The following AGO2 variants were observed in gnomAD, a reference collection of about 807,000 sequenced individuals.
AGO2 encodes the protein argonaute RISC catalytic component 2, also known as protein argonaute-2.
In AGO2, 5 loss-of-function variants were observed where a neutral mutation model predicts 102.3. The ratio of observed to expected loss-of-function variants is 0.05; its 90% confidence interval spans 0.03 to 0.10. AGO2 has a LOEUF of 0.10. Ranked by LOEUF, AGO2 falls within the 10% of genes least tolerant of loss-of-function variation. AGO2 has a pLI of 1.00. For missense variants in AGO2, 541 were observed against 1,183.7 expected, an observed-to-expected ratio of 0.46 and a Z score of 7.97; for synonymous variants, 449 against 473.1, an observed-to-expected ratio of 0.95 and a Z score of 0.66.
At chr8:140,590,719 G>C (rs940182387) in intron 1 of AGO2, among the ~76,000 whole-genome samples, 18 of 152,278 alleles carry the variant, frequency 1.2e-4, no homozygotes, top group African/African-American at 4.3e-4. Context: ...AGTGCTCCTC[G>C]GAACCAGGGG....
At chr8:140,594,624 C>CA (rs547509822) in intron 1 of AGO2, among the ~76,000 whole-genome samples, 25 of 148,554 alleles carry the variant, frequency 1.7e-4, no homozygotes, top group Non-Finnish European at 2.1e-4. Context: ...CCCATCTGTA[C>CA]AAAAAAAAAT....
chr8:140,616,005 G>C (rs2074138612), intron 1 of AGO2, among the ~76,000 whole-genome samples: 1 of 152,204 alleles, frequency 6.6e-6, no homozygotes, highest in Non-Finnish European at 1.5e-5. Context: ...TGCGTACCCT[G>C]TCATCAGCGA....
intron 2 of AGO2, among the ~76,000 whole-genome samples, chr8:140,574,905 C>A (rs2132982990): frequency 6.6e-6 from 1 of 152,272 alleles, no homozygotes; most frequent in Admixed American, 6.5e-5. Flanking sequence ...CAAGAACCTG[C>A]CAACTCCTTC....
intron 1 of AGO2, among the ~76,000 whole-genome samples, chr8:140,625,758 C>A (rs1363418663): frequency 6.6e-6 from 1 of 152,192 alleles, no homozygotes; most frequent in East Asian, 1.9e-4. Flanking sequence ...CACAGGGTCA[C>A]CCTCAAATGT....
In AGO2 at chr8:140,596,004, T is replaced by C. The variant is rs542749088; in HGVS notation, c.23-10693A>G. 1.6e-3 allele frequency among the ~76,000 whole-genome samples: 207 copies of C among 132,030 alleles called. 1 individual carries two copies. The highest frequency in any genetic ancestry group is 4.5e-3 in the African/African-American group (160 of 35,170). 86.6% of individuals were successfully genotyped at this position (132,030 alleles called of 152,430 possible). On this transcript the variant is annotated intron_variant, in intron 1 of 18. Transcript: ENST00000220592. ...ATATAATATATATATTATATATATA[T>C]ACACACACACACATACACACATATT... is the stretch of plus-strand genomic sequence containing the variant.
intron 1 of AGO2, among the ~76,000 whole-genome samples, chr8:140,627,561 G>C (rs188263780): frequency 6.6e-6 from 1 of 152,302 alleles, no homozygotes; most frequent in African/African-American, 2.4e-5. Flanking sequence ...TCCCAAGATG[G>C]ATGTCAATTA....
intron 1 of AGO2, among the ~76,000 whole-genome samples, chr8:140,602,728 G>C (rs1489811728): frequency 6.6e-6 from 1 of 152,186 alleles, no homozygotes; most frequent in African/African-American, 2.4e-5. Flanking sequence ...TCTCCAATTT[G>C]TCCAACCAGC....
At chr8:140,600,615 G>A (rs2073919168) in intron 1 of AGO2, among the ~76,000 whole-genome samples, 3 of 152,058 alleles carry the variant, frequency 2.0e-5, no homozygotes, top group African/African-American at 7.3e-5. Flanking sequence ...GGGAGGCAGT[G>A]GTTGCAGTGA....
intron 1 of AGO2, among the ~76,000 whole-genome samples, chr8:140,591,181 C>T (rs888887228): frequency 6.6e-6 from 1 of 152,242 alleles, no homozygotes; most frequent in African/African-American, 2.4e-5. Flanking sequence ...GTTCTGCAGG[C>T]GCGGTTCCTG....
At chr8:140,617,535 A>C (rs1192255541) in intron 1 of AGO2, among the ~76,000 whole-genome samples, 4 of 152,158 alleles carry the variant, frequency 2.6e-5, no homozygotes, top group Non-Finnish European at 5.9e-5. Flanking sequence ...TTACAGACGT[A>C]AGCCACTGCG....
rs1211114067 is a variant in AGO2 at position 140,520,438 on chromosome 8, AAAAAC to A, written c.*11601_*11605del. On this transcript the variant is annotated 3_prime_UTR_variant, in exon 19 of 19. Transcript: ENST00000220592. ...CAAACTACTTCACCTAGTAAGCTGT[AAAAAC>A]AAACTAGAAAGGACCCAGCTAAGCT... 6.6e-6 allele frequency: 1 copy of A among 152,236 alleles called. No individual in the cohort carries two copies. Among genetic ancestry groups the A allele is most frequent in the Non-Finnish European group, 1.5e-5 (1 of 68,048 alleles). The allele number at this position is 152,236 out of a possible 1,614,324, so 9.4% of individuals were successfully genotyped here.
At chr8:140,634,648 A>C (rs1284692759) in intron 1 of AGO2, among the ~76,000 whole-genome samples, 9 of 152,218 alleles carry the variant, frequency 5.9e-5, no homozygotes, top group Non-Finnish European at 1.3e-4. Flanking sequence ...TTTTCCAGAG[A>C]AAGGCCGACT....
chr8:140,541,569 A>T (rs2072799164), intron 14 of AGO2: 1 of 500,042 alleles, frequency 2.0e-6, no homozygotes, highest in South Asian at 3.2e-5. Flanking sequence ...TGAAGTACAA[A>T]AGTTTGCCAA....
intron 1 of AGO2, among the ~76,000 whole-genome samples, chr8:140,630,641 G>C (rs763160100): frequency 7.2e-5 from 11 of 152,222 alleles, no homozygotes; most frequent in Non-Finnish European, 1.3e-4. Context: ...AGAGATATGT[G>C]AAAGAGGGAG....
At chr8:140,596,659 A>G (rs536455310) in intron 1 of AGO2, among the ~76,000 whole-genome samples, 2 of 152,370 alleles carry the variant, frequency 1.3e-5, no homozygotes, top group Admixed American at 6.5e-5. Context: ...AGATGCCCAG[A>G]GAGATTTAAA....
At chr8:140,594,373 C>T in intron 1 of AGO2, among the ~76,000 whole-genome samples, 1 of 152,192 alleles carries the variant, frequency 6.6e-6, no homozygotes, top group East Asian at 1.9e-4. Flanking sequence ...AAAATATCCA[C>T]AGAAATATTT....
At position 140,556,045 on chromosome 8, in the gene AGO2, C is replaced by T. The variant is rs753432005; in HGVS notation, c.1147-27G>A. 11 of 1,613,474 alleles carry T rather than the reference C, an allele frequency of 6.8e-6. 1 individual carries two copies. In the East Asian group the frequency reaches 8.9e-5, roughly 13 times the overall value. On this transcript the variant is annotated intron_variant, in intron 9 of 18. Transcript: ENST00000220592. The stretch of plus-strand genomic sequence containing the variant: ...TGGCAAAGGGAAACAAGAAAACGCA[C>T]GGAGTGGGTGGAGGCCTCCCATCTC...
intron 1 of AGO2, among the ~76,000 whole-genome samples, chr8:140,614,958 C>T (rs1289401061): frequency 1.3e-5 from 2 of 152,236 alleles, no homozygotes; most frequent in East Asian, 3.8e-4. Flanking sequence ...AACATCTTTT[C>T]ATCACATACA....
chr8:140,531,252 G>A lies in AGO2; in HGVS notation c.*792C>T, dbSNP rs889215265. On this transcript the variant is annotated 3_prime_UTR_variant, in exon 19 of 19. Coordinates refer to ENST00000220592, the MANE Select transcript of AGO2 (RefSeq NM_012154.5). Reference sequence around the variant, plus strand: ...GTACTGTATTTATCACCACAGACCCGTATTCTTTAAAAACTTTGGAAAATA... The same window carrying A: ...GTACTGTATTTATCACCACAGACCCATATTCTTTAAAAACTTTGGAAAATA... 1 of 152,560 alleles carries A rather than the reference G, an allele frequency of 6.6e-6. No homozygotes were observed. The highest frequency in any genetic ancestry group is 2.4e-5 in the African/African-American group (1 of 41,420). 9.5% of individuals were successfully genotyped at this position (152,560 alleles called of 1,614,324 possible).
Sources: allele counts gnomAD v4.1 joint callset (sites outside exome capture counted in the v4.1 genomes callset), GRCh38; gene constraint gnomAD v4.1.1; transcripts MANE v1.5; gene names NCBI Gene and HGNC (gene_info 2026-07-23, HGNC 2026-07-21).